The following COL1A2 variants were observed in gnomAD, a reference collection of about 807,000 sequenced individuals.
COL1A2 encodes collagen type I alpha 2 chain, also known as collagen alpha-2(I) chain.
Under a neutral mutation model 174.3 loss-of-function variants are expected in COL1A2, and 49 were observed. The ratio of observed to expected loss-of-function variants is 0.28; its 90% CI spans 0.22 to 0.36. COL1A2 has a LOEUF of 0.36. Among genes scored for constraint, COL1A2 ranks in the 10% least tolerant of loss-of-function variants. The pLI, the probability that COL1A2 is intolerant of heterozygous loss-of-function variation, is 1.00. For missense variants in COL1A2, 1,438 were observed against 1,822.7 expected (o/e 0.79, Z 3.84); for synonymous variants, 655 against 606.6 (o/e 1.08, Z -1.17).
rs189374343 is a variant in COL1A2 at position 94,420,425 on chromosome 7, A to T, written c.2168A>T (p.Asn723Ile). The T allele has an allele frequency of 2.2e-5, 35 of 1,613,864 alleles. No homozygotes were observed. Among genetic ancestry groups the T allele is most frequent in the Non-Finnish European group, 2.7e-5 (32 of 1,179,978 alleles). Residue 723 changes from asparagine (N) to isoleucine (I), a missense_variant, in exon 36 of 52, where the codon AAT (asparagine) becomes ATT (isoleucine). Asn to Ile is a moderately radical substitution (Grantham distance 149, BLOSUM62 -3). This residue lies in a region of COL1A2 where 867 missense variants were observed against 1,213.7 expected (regional missense o/e 0.71). Transcript: ENST00000297268. ...GGTGAGGTCGGTCCTGCTGGCCCCA[A>T]TGGATTTGCTGGTCCTGCTGTGAGT... Reference protein sequence around the residue: ...ERGEVGPAGPNGFAGPAGAAG... With the variant: ...ERGEVGPAGPIGFAGPAGAAG...
intron 50 of COL1A2, 87 bp from the exon 51 acceptor site, chr7:94,429,101 T>G (rs1792345296): frequency 3.9e-6 from 4 of 1,013,964 alleles, no homozygotes; most frequent in Non-Finnish European, 5.6e-6. Context: ...CTGAGATCTT[T>G]TTTTTTCTTT....
At chr7:94,410,744 T>C (rs974020413) in intron 21 of COL1A2, 145 bp from the exon 22 acceptor site, 1 of 962,994 alleles carries the variant, frequency 1.0e-6, no homozygotes, top group African/African-American at 1.6e-5. Flanking sequence ...CATCTATGAA[T>C]TCCTCTAGGG....
In COL1A2 at chr7:94,422,647, C is replaced by T. The variant is rs1232599762; in HGVS notation, c.2404-310C>T. ...CAGAGTCCCATTCATTTATCATTAACTCCTATCATTCTACATAGTTCTGAT... is the reference window on the plus strand; with the variant it reads ...CAGAGTCCCATTCATTTATCATTAATTCCTATCATTCTACATAGTTCTGAT... On this transcript the variant is annotated intron_variant, in intron 39 of 51. Coordinates refer to ENST00000297268, the MANE Select transcript of COL1A2 (RefSeq NM_000089.4). 3.3e-5 allele frequency: 10 copies of T among 303,026 alleles called. 1 individual carries two copies. The Admixed American group carries it at 4.1e-4, about 12-fold the overall frequency. 18.8% of individuals were successfully genotyped at this position (303,026 alleles called of 1,614,324 possible).
chr7:94,417,681 TTC>T, intron 31 of COL1A2, 41 bp from the exon 32 acceptor site: 1 of 1,488,932 alleles, frequency 6.7e-7, no homozygotes, highest in African/African-American at 1.4e-5. Context: ...CTTCATTTTC[TTC>T]TTTCTCCACT....
chr7:94,418,544 G>A lies in COL1A2; in HGVS notation c.2017G>A (p.Gly673Ser). ...RGEIGNPGRD[G>S]ARGAPGAVGA... ...TGAAATTGGTAACCCTGGCAGAGAT[G>A]GTGCTCGTGTGAGTAGAATTTTGTT... Residue 673 changes from glycine (G) to serine (S), a missense_variant, in exon 33 of 52, where the codon GGT becomes AGT. By Grantham distance (56) the Gly-to-Ser change is moderately conservative (BLOSUM62 0). This residue lies in a region of COL1A2 where 867 missense variants were observed against 1,213.7 expected (regional missense o/e 0.71). Coordinates refer to ENST00000297268, the MANE Select transcript of COL1A2 (RefSeq NM_000089.4). The A allele has an allele frequency of 6.2e-7, 1 of 1,613,612 alleles. No homozygotes were observed. Among genetic ancestry groups the A allele is most frequent in the Non-Finnish European group, 8.5e-7 (1 of 1,179,824 alleles).
At position 94,431,171 on chromosome 7, in the gene COL1A2, A is replaced by G. The variant is rs978532903; in HGVS notation, c.*778A>G. 6.6e-6 allele frequency: 1 copy of G among 152,616 alleles called. No individual in the cohort carries two copies. Among genetic ancestry groups the G allele is most frequent in the African/African-American group, 2.4e-5 (1 of 41,438 alleles). The allele number at this position is 152,616 out of a possible 1,614,324, so 9.5% of individuals were successfully genotyped here. On this transcript the variant is annotated 3_prime_UTR_variant, in exon 52 of 52. Transcript: ENST00000297268. Reference sequence around the variant, plus strand: ...ATTGTACCTATTTTGTATATGTGAGATGTTTAAATAAATTGTGAAAAAAAT... The same window carrying G: ...ATTGTACCTATTTTGTATATGTGAGGTGTTTAAATAAATTGTGAAAAAAAT...
At chr7:94,412,763 A>G (rs1013539250) in intron 25 of COL1A2, 81 bp downstream of exon 25, 49 of 1,199,268 alleles carry the variant, frequency 4.1e-5, no homozygotes, top group South Asian at 6.3e-5. Context: ...TCTCCTGCGA[A>G]TCAGTCCAGT....
At chr7:94,423,238 C>G in intron 40 of COL1A2, 120 bp downstream of exon 40, 2 of 1,202,410 alleles carry the variant, frequency 1.7e-6, no homozygotes, top group Non-Finnish European at 1.2e-6. Flanking sequence ...AAGTAGAGCT[C>G]AGTTGAGCCA....
chr7:94,428,227 T>A (rs1792325185), intron 49 of COL1A2, 66 bp from the exon 50 acceptor site: 3 of 1,286,978 alleles, frequency 2.3e-6, no homozygotes, highest in Non-Finnish European at 3.4e-6. Flanking sequence ...CTTTCATTAG[T>A]TATTATTAGA....
intron 39 of COL1A2, chr7:94,422,484 T>C (rs1407464356): frequency 1.2e-5 from 2 of 163,688 alleles, no homozygotes; most frequent in African/African-American, 4.8e-5. Context: ...CAGAAAAATC[T>C]TCATTCCCTG....
intron 40 of COL1A2, chr7:94,423,532 A>C (rs928162346): frequency 5.6e-6 from 1 of 177,144 alleles, no homozygotes; most frequent in Non-Finnish European, 1.2e-5. Context: ...CAAAGTCAAA[A>C]TTTGCTTCCT....
Position 94,405,215 on chromosome 7 carries a change from C to A in COL1A2, c.449C>A (p.Pro150His). 1 of 1,613,760 alleles carries A rather than the reference C, an allele frequency of 6.2e-7. No homozygotes were observed. The highest frequency in any genetic ancestry group is 8.5e-7 in the Non-Finnish European group (1 of 1,179,874). ...CATGTTTAGGGTCACCCTGGAAAAC[C>A]CGGACGACCTGGTGAGAGAGGAGTT... is the stretch of plus-strand genomic sequence containing the variant. ...KAGEDGHPGK[P>H]GRPGERGVVG... The change falls in exon 10 of 52, where the codon CCC becomes CAC. Residue 150 changes from proline (P) to histidine (H), a missense_variant. Physicochemically the swap from Pro to His is moderately conservative, Grantham distance 77 (BLOSUM62 -2). This residue lies in a region of COL1A2 where 281 missense variants were observed against 310.9 expected (regional missense o/e 0.90). Transcript: ENST00000297268.
At chr7:94,395,562 GGGCATTGTAA>G (rs1471713140) in intron 1 of COL1A2, 4 of 288,416 alleles carry the variant, frequency 1.4e-5, no homozygotes, top group African/African-American at 8.9e-5. Context: ...TTTATCTTCT[GGGCATTGTAA>G]GGCTTGTCCG....
At position 94,421,296 on chromosome 7, in the gene COL1A2, T is replaced by G. The variant is rs4266; in HGVS notation, c.2349+234T>G. ...TAACCAAGGTGGGCCCTAGGCAGTT[T>G]AATTGTAAAGTCGGAAAAAATATTC... On this transcript the variant is annotated intron_variant, in intron 38 of 51. Coordinates refer to ENST00000297268, the MANE Select transcript of COL1A2 (RefSeq NM_000089.4). 76,600 of 587,376 alleles carry G rather than the reference T, an allele frequency of 0.13. 6,051 individuals carry two copies. The highest frequency in any genetic ancestry group is 0.26 in the African/African-American group (13,896 of 53,484). The allele number at this position is 587,376 out of a possible 1,614,324, so 36.4% of individuals were successfully genotyped here. A position where few individuals can be genotyped will look rare whatever the true frequency, so the allele number is the denominator to read the frequency against.
Position 94,426,041 on chromosome 7 carries a change from G to A in COL1A2, c.2987G>A (p.Arg996Lys), listed in dbSNP as rs1792270869. ...PVGPAGAVGPRGPSGPQGIRG... is the reference protein window; with the variant it reads ...PVGPAGAVGPKGPSGPQGIRG... ...GGTCCTGCTGGTGCTGTTGGCCCAA[G>A]AGGTCCTAGTGTATGTACATGCTGA... The change falls in exon 45 of 52, where the codon AGA becomes AAA. Residue 996 changes from arginine to lysine, a missense_variant. Arg to Lys is a conservative substitution (Grantham distance 26). This residue lies in a region of COL1A2 where 867 missense variants were observed against 1,213.7 expected (regional missense o/e 0.71). Transcript: ENST00000297268. 6.2e-7 allele frequency: 1 copy of A among 1,614,086 alleles called. No individual in the cohort carries two copies. Among genetic ancestry groups the A allele is most frequent in the African/African-American group, 1.3e-5 (1 of 75,034 alleles).
chr7:94,400,171 A>C lies in COL1A2; in HGVS notation c.133-25A>C, dbSNP rs770491939. 1.9e-6 allele frequency: 3 copies of C among 1,610,684 alleles called. No individual in the cohort carries two copies. The Admixed American group carries it at 5.0e-5, about 27-fold the overall frequency. On this transcript the variant is annotated intron_variant, in intron 4 of 51. Coordinates refer to ENST00000297268, the MANE Select transcript of COL1A2 (RefSeq NM_000089.4). Reference sequence around the variant, plus strand: ...GTTTCTACAGGGCCTGTCTAACCTGACCTTACTCACTTTTTACATAACAGG... The same window carrying C: ...GTTTCTACAGGGCCTGTCTAACCTGCCCTTACTCACTTTTTACATAACAGG...
At chr7:94,418,115 G>T (rs1792079611) in intron 32 of COL1A2, among the ~76,000 whole-genome samples, 1 of 152,140 alleles carries the variant, frequency 6.6e-6, no homozygotes, top group African/African-American at 2.4e-5. Context: ...TAATTAATGG[G>T]AAGAAGCTAC....
At chr7:94,405,055 T>G (rs1195475850) in intron 9 of COL1A2, 144 bp from the exon 10 acceptor site, 1 of 1,082,024 alleles carries the variant, frequency 9.2e-7, no homozygotes, top group Non-Finnish European at 1.4e-6. Flanking sequence ...ACTAACCTAC[T>G]TGTATTAAGG....
chr7:94,429,550 AACTT>A lies in COL1A2; in HGVS notation c.3954+122_3954+125del, dbSNP rs1016363995. On this transcript the variant is annotated intron_variant, in intron 51 of 51. Transcript: ENST00000297268. ...AAAAGAACAGAAGAATGAGAGAACT[AACTT>A]ATTTCATAAGTAAATTCAGTTTTTG... The A allele has an allele frequency of 3.1e-6, 3 of 968,430 alleles. No homozygotes were observed. In the African/African-American group the frequency reaches 5.6e-5, roughly 18 times the overall value. 60.0% of individuals were successfully genotyped at this position (968,430 alleles called of 1,614,324 possible). A position where few individuals can be genotyped will look rare whatever the true frequency, so the allele number is the denominator to read the frequency against.
Sources: gnomAD v4.1 joint callset for allele counts (sites outside exome capture counted in the v4.1 genomes callset) on GRCh38, gnomAD v4.1.1 for gene constraint, gnomAD v4.1.1 regional missense constraint, MANE v1.5 for transcripts, NCBI Gene and HGNC (gene_info 2026-07-23, HGNC 2026-07-21) for gene names.